The following PRKAG1 variants were observed in gnomAD, a reference collection of about 807,000 sequenced individuals.
The protein encoded by PRKAG1 is protein kinase AMP-activated non-catalytic subunit gamma 1.
Under a neutral mutation model 48.2 loss-of-function variants are expected in PRKAG1, and 27 were observed. That is an observed-to-expected ratio of 0.56 (90% CI 0.41 to 0.77). The LOEUF (loss-of-function observed/expected upper bound fraction) is 0.77. PRKAG1 is among the 30% of genes least tolerant of loss of function. The pLI is 0.00. For synonymous variants in PRKAG1, 130 were observed against 147.7 expected (o/e 0.88, Z 0.87); for missense variants, 287 against 398.3 (o/e 0.72, Z 2.38).
Position 49,005,339 on chromosome 12 carries a change from G to A in PRKAG1, c.276C>T (p.Ile92=). The A allele has an allele frequency of 6.2e-7, 1 of 1,614,172 alleles. No homozygotes were observed. Among genetic ancestry groups the A allele is most frequent in the Non-Finnish European group, 8.5e-7 (1 of 1,180,038 alleles). Residue 92 remains isoleucine (I), a synonymous_variant, in exon 5 of 12, where the codon ATC becomes ATT. Transcript: ENST00000548065. The surrounding 1 kb of genome is among the most constrained non-coding windows in gnomAD (Gnocchi z 4.1). ...FVGMLTITDF[I]NILHRYYKSA... ...ATTTATAGTAGCGGTGCAGGATATT[G>A]ATGAAATCAGTGATGGTCAGCATGC... is the stretch of plus-strand genomic sequence containing the variant.
At position 49,005,101 on chromosome 12, in the gene PRKAG1, A is replaced by T; in HGVS notation, c.355+19T>A. The T allele has an allele frequency of 1.2e-6, 2 of 1,613,572 alleles. No individual in the cohort carries two copies. The highest frequency in any genetic ancestry group is 1.7e-6 in the Non-Finnish European group (2 of 1,179,704). ...CCCGCCATCCCTTTATCCTTTTATAACCCCAATTCTCTACATACCTCTCCA... is the reference window on the plus strand; with the variant it reads ...CCCGCCATCCCTTTATCCTTTTATATCCCCAATTCTCTACATACCTCTCCA... On this transcript the variant is annotated intron_variant, in intron 6 of 11. Transcript: ENST00000548065. The surrounding 1 kb of genome is among the most constrained non-coding windows in gnomAD (Gnocchi z 4.1).
At chr12:49,012,378 CTTT>C (rs112289958) in intron 2 of PRKAG1, among the ~76,000 whole-genome samples, 1 of 142,252 alleles carries the variant, frequency 7.0e-6, no homozygotes, top group South Asian at 2.2e-4. Context: ...TTTTTTCTTT[CTTT>C]TTTTTTTTTT....
chr12:49,012,832 G>C (rs534562025), intron 2 of PRKAG1: 3 of 523,172 alleles, frequency 5.7e-6, no homozygotes, highest in Non-Finnish European at 1.0e-5. Flanking sequence ...CTGTACCTCA[G>C]ATGTTTCTCT....
intron 7 of PRKAG1, 33 bp downstream of exon 7, chr12:49,004,931 C>A (rs200827360): frequency 6.2e-7 from 1 of 1,608,922 alleles, no homozygotes; most frequent in African/African-American, 1.3e-5. Context: ...AAATCTCTTC[C>A]GCTTTTTGGA....
rs1347993726 is a variant in PRKAG1 at position 49,005,283 on chromosome 12, G to A, written c.309+23C>T. 1 of 1,613,744 alleles carries A rather than the reference G, an allele frequency of 6.2e-7. No individual in the cohort carries two copies. Among genetic ancestry groups the A allele is most frequent in the Admixed American group, 1.7e-5 (1 of 60,006 alleles). On this transcript the variant is annotated intron_variant, in intron 5 of 11. Transcript: ENST00000548065. This position sits in a 1 kb window ranked among gnomAD's most constrained non-coding sequence, Gnocchi z 4.1. ...ATTTAGGGCAGGGAAAGTGATTTTG[G>A]TCATTGGGTTAAGGTTCCTTACCAA...
intron 2 of PRKAG1, among the ~76,000 whole-genome samples, chr12:49,008,782 T>C (rs1413582865): frequency 2.0e-5 from 3 of 152,202 alleles, no homozygotes; most frequent in Non-Finnish European, 4.4e-5. Context: ...GCTGGTGTTG[T>C]TGAGAGTCCA....
At chr12:49,003,524 T>G in intron 10 of PRKAG1, 34 bp downstream of exon 10, 37 of 1,208,472 alleles carry the variant, frequency 3.1e-5, no homozygotes, top group Non-Finnish European at 3.5e-5. Flanking sequence ...CCCCCACCAC[T>G]TCCCTACCTC....
At chr12:49,007,235 C>T (rs1321180011) in intron 2 of PRKAG1, among the ~76,000 whole-genome samples, 1 of 149,702 alleles carries the variant, frequency 6.7e-6, no homozygotes, top group African/African-American at 2.5e-5. Flanking sequence ...TGCAGTGAGA[C>T]GAGATTGTGC....
chr12:49,007,625 A>G (rs1463246413), intron 2 of PRKAG1, among the ~76,000 whole-genome samples: 1 of 152,150 alleles, frequency 6.6e-6, no homozygotes, highest in Non-Finnish European at 1.5e-5. Flanking sequence ...GAGAACATCT[A>G]TCTACCTTAG....
chr12:49,015,717 T>C (rs867037192), intron 1 of PRKAG1, among the ~76,000 whole-genome samples: 2 of 152,084 alleles, frequency 1.3e-5, no homozygotes, highest in Admixed American at 6.5e-5. Context: ...GGACTACAGA[T>C]GCCTGCCACC....
In PRKAG1 at chr12:49,005,984, T is replaced by C; in HGVS notation, c.59-132A>G. Reference sequence around the variant, plus strand: ...TTTTTTAATAAGACCCCTTATTTTATCTGTCTTGTTCCTATTGTTTCCACA... The same window carrying C: ...TTTTTTAATAAGACCCCTTATTTTACCTGTCTTGTTCCTATTGTTTCCACA... On this transcript the variant is annotated intron_variant, in intron 2 of 11. Coordinates refer to ENST00000548065, the MANE Select transcript of PRKAG1 (RefSeq NM_002733.5). The surrounding 1 kb of genome is among the most constrained non-coding windows in gnomAD (Gnocchi z 4.1). 1 of 664,452 alleles carries C rather than the reference T, an allele frequency of 1.5e-6. No homozygotes were observed. Among genetic ancestry groups the C allele is most frequent in the African/African-American group, 1.8e-5 (1 of 54,656 alleles). The allele number at this position is 664,452 out of a possible 1,614,324, so 41.2% of individuals were successfully genotyped here.
rs181178231 is a variant in PRKAG1, at chr12:49,003,516, C to A, written c.741+42G>T. 3.1e-4 allele frequency: 504 copies of A among 1,600,776 alleles called. 3 individuals carry two copies. The highest frequency in any genetic ancestry group is 2.1e-3 in the East Asian group (94 of 44,756). ...TCTCCATATTTAACAGTGCCCCCCC[C>A]CCACCACTTCCCTACCTCCCAGACC... On this transcript the variant is annotated intron_variant, in intron 10 of 11. Coordinates refer to ENST00000548065, the MANE Select transcript of PRKAG1 (RefSeq NM_002733.5).
At chr12:49,014,267 C>A (rs562828650) in intron 1 of PRKAG1, among the ~76,000 whole-genome samples, 1 of 152,226 alleles carries the variant, frequency 6.6e-6, no homozygotes, top group Non-Finnish European at 1.5e-5. Context: ...GAAACCAATA[C>A]TGCTACAATA....
intron 8 of PRKAG1, 74 bp from the exon 9 acceptor site, chr12:49,003,996 A>C: frequency 1.3e-6 from 2 of 1,512,118 alleles, no homozygotes; most frequent in South Asian, 2.7e-5. Context: ...AACCCAGTAT[A>C]TTAGAAATAA....
At position 49,003,716 on chromosome 12, in the gene PRKAG1, GC is replaced by G. The variant is rs531619221; in HGVS notation, c.703+40del. 1.8e-3 allele frequency: 2,961 copies of G among 1,605,690 alleles called. 4 individuals carry two copies. The highest frequency in any genetic ancestry group is 4.1e-3 in the Admixed American group (248 of 59,760). ...GATCTTCCCAGAGCCACCCTGACTT[GC>G]CTGGATCTTCCCTCCCTCTCCTTCT... On this transcript the variant is annotated intron_variant, in intron 9 of 11. Coordinates refer to ENST00000548065, the MANE Select transcript of PRKAG1 (RefSeq NM_002733.5).
rs756704639 is a variant in PRKAG1 at position 49,013,152 on chromosome 12, T to C, written c.10-42A>G. 2.6e-6 allele frequency: 4 copies of C among 1,568,118 alleles called. No individual in the cohort carries two copies. The Admixed American group carries it at 6.7e-5, about 26-fold the overall frequency. ...ACAGATTCAGCTTAACCTGGTTCCA[T>C]CCATTTTAGCCTAGCAACATTAGGG... is the stretch of plus-strand genomic sequence containing the variant. On this transcript the variant is annotated intron_variant, in intron 1 of 11. Transcript: ENST00000548065.
intron 2 of PRKAG1, among the ~76,000 whole-genome samples, chr12:49,009,962 T>G (rs1941692763): frequency 1.3e-5 from 2 of 152,256 alleles, no homozygotes; most frequent in Non-Finnish European, 2.9e-5. Context: ...AGAAATATGT[T>G]CCTTTATCTA....
At chr12:49,015,575 T>A (rs139547244) in intron 1 of PRKAG1, among the ~76,000 whole-genome samples, 1 of 151,476 alleles carries the variant, frequency 6.6e-6, no homozygotes, top group Non-Finnish European at 1.5e-5. Flanking sequence ...CATATGTGAC[T>A]TTTTTTTTGG....
chr12:49,015,949 T>C (rs1262623370), intron 1 of PRKAG1, among the ~76,000 whole-genome samples: 2 of 51,400 alleles, frequency 3.9e-5, no homozygotes, highest in East Asian at 6.1e-4. Flanking sequence ...CCTTTCTACC[T>C]TTTTTTTTTT....
Sources: allele counts gnomAD v4.1 joint callset (sites outside exome capture counted in the v4.1 genomes callset), GRCh38; gene constraint gnomAD v4.1.1; non-coding constraint Gnocchi (gnomAD v3.1); transcripts MANE v1.5; gene names NCBI Gene and HGNC (gene_info 2026-07-23, HGNC 2026-07-21).